The following WWOX variants were observed in gnomAD, a reference collection of about 807,000 sequenced individuals.
WWOX encodes the protein WW domain-containing oxidoreductase.
WWOX carries 69 observed loss-of-function variants against 46.2 expected under a neutral mutation model. That is an observed-to-expected ratio of 1.49 (90% CI 1.23 to 1.82). The LOEUF is 1.82. Among genes scored for constraint, WWOX ranks in the 40% most tolerant of loss-of-function variants. WWOX has a pLI of 0.00. For missense variants in WWOX, 919 were observed against 542.6 expected (o/e 1.69, Z -6.89); for synonymous variants, 359 against 202.6 (o/e 1.77, Z -6.56).
At chr16:78,537,517 A>G (rs958390682) in intron 8 of WWOX, among the ~76,000 whole-genome samples, 17 of 152,256 alleles carry the variant, frequency 1.1e-4, no homozygotes, top group Non-Finnish European at 1.9e-4. Flanking sequence ...CATATGATTT[A>G]CCTCTTCTCT....
chr16:78,678,064 G>T (rs796393170), intron 8 of WWOX, among the ~76,000 whole-genome samples: 7 of 152,260 alleles, frequency 4.6e-5, no homozygotes, highest in Admixed American at 1.3e-4. Context: ...TCATTTCTCT[G>T]TTTAATCTGT....
intron 8 of WWOX, among the ~76,000 whole-genome samples, chr16:79,040,303 C>G (rs1014954065): frequency 3.0e-5 from 4 of 134,974 alleles, no homozygotes; most frequent in African/African-American, 8.5e-5. Context: ...GAGACAAGGT[C>G]TCATTCTGTT....
intron 5 of WWOX, among the ~76,000 whole-genome samples, chr16:78,351,946 C>G (rs1053333989): frequency 1.3e-5 from 2 of 152,176 alleles, no homozygotes; most frequent in Admixed American, 1.3e-4. Context: ...CATGAGCCAC[C>G]ACGCCCAGCA....
intron 8 of WWOX, among the ~76,000 whole-genome samples, chr16:79,000,755 C>T (rs1195287825): frequency 6.6e-6 from 1 of 152,108 alleles, no homozygotes; most frequent in Non-Finnish European, 1.5e-5. Flanking sequence ...TTACAGCAGC[C>T]AGAGGAAGCT....
At chr16:79,126,598 G>A (rs909001065) in intron 8 of WWOX, among the ~76,000 whole-genome samples, 6 of 152,076 alleles carry the variant, frequency 3.9e-5, no homozygotes, top group Non-Finnish European at 5.9e-5. Context: ...CATGTGAAAC[G>A]GTGAGTCAAT....
Position 79,196,368 on chromosome 16 carries a change from C to T in WWOX, c.1057-15240C>T, listed in dbSNP as rs1191923368. 2.6e-5 allele frequency: 4 copies of T among 152,270 alleles called. No individual in the cohort carries two copies. In the East Asian group the frequency reaches 7.7e-4, roughly 29 times the overall value. 9.4% of individuals were successfully genotyped at this position (152,270 alleles called of 1,614,324 possible). On this transcript the variant is annotated intron_variant, in intron 8 of 8. Transcript: ENST00000566780. ...TCTATATCATTCTGTCCTCCAGGTACCCCAAGCTGGTTTGGGTTTATACCA... is the reference window on the plus strand; with the variant it reads ...TCTATATCATTCTGTCCTCCAGGTATCCCAAGCTGGTTTGGGTTTATACCA...
intron 8 of WWOX, among the ~76,000 whole-genome samples, chr16:79,209,038 G>A (rs539824887): frequency 1.3e-5 from 2 of 152,286 alleles, no homozygotes; most frequent in East Asian, 3.9e-4. Flanking sequence ...TGCCCCTCCT[G>A]TGTACTGTGT....
rs1439535802 is a variant in WWOX, at chr16:79,069,588, G to A, written c.1057-142020G>A. On this transcript the variant is annotated intron_variant, in intron 8 of 8. Coordinates refer to ENST00000566780, the MANE Select transcript of WWOX (RefSeq NM_016373.4). ...TTTTTTTTTTTAAAGCTAATAAACA[G>A]TGCTAGTGGAAAGTATGCTGTTATC... Among the ~76,000 whole-genome samples, 3 of 149,568 alleles carry A rather than the reference G, an allele frequency of 2.0e-5. No homozygotes were observed. In the South Asian group the frequency reaches 6.3e-4, roughly 31 times the overall value.
chr16:79,105,577 A>T (rs190522712), intron 8 of WWOX, among the ~76,000 whole-genome samples: 1 of 152,348 alleles, frequency 6.6e-6, no homozygotes, highest in African/African-American at 2.4e-5. Context: ...CTTTTATAAA[A>T]AAAGTCACAG....
intron 8 of WWOX, among the ~76,000 whole-genome samples, chr16:79,073,309 A>G (rs532062857): frequency 6.6e-6 from 1 of 151,870 alleles, no homozygotes; most frequent in African/African-American, 2.4e-5. Context: ...CTTCCTGAGT[A>G]GCTGGGATTA....
chr16:78,107,394 C>A (rs1051690861), intron 1 of WWOX, among the ~76,000 whole-genome samples: 3 of 152,282 alleles, frequency 2.0e-5, no homozygotes, highest in African/African-American at 7.2e-5. Flanking sequence ...CTGATTTGTT[C>A]AGAATAACAG....
chr16:78,273,396 A>G (rs1805113493), intron 5 of WWOX, among the ~76,000 whole-genome samples: 1 of 152,218 alleles, frequency 6.6e-6, no homozygotes. Context: ...TCTGACCATA[A>G]GTATGCTTCT....
chr16:78,363,417 G>T (rs117223739), intron 5 of WWOX, among the ~76,000 whole-genome samples: 5,811 of 147,312 alleles, frequency 0.039, 364 homozygotes, highest in Admixed American at 0.17. Context: ...GGGACCACAG[G>T]TGCACACCAC....
chr16:78,516,550 G>A (rs114424536), intron 8 of WWOX, among the ~76,000 whole-genome samples: 1 of 152,140 alleles, frequency 6.6e-6, no homozygotes, highest in African/African-American at 2.4e-5. Flanking sequence ...CTGTGATGTT[G>A]GAATCTTTAA....
intron 5 of WWOX, among the ~76,000 whole-genome samples, chr16:78,326,423 G>C (rs1265777262): frequency 2.0e-5 from 3 of 152,044 alleles, no homozygotes; most frequent in Non-Finnish European, 4.4e-5. Flanking sequence ...CATTCACTGG[G>C]AGAAACAAGG....
chr16:78,903,640 C>T (rs1025279040), intron 8 of WWOX, among the ~76,000 whole-genome samples: 1 of 152,160 alleles, frequency 6.6e-6, no homozygotes, highest in Non-Finnish European at 1.5e-5. Flanking sequence ...AGTGAAATGG[C>T]TTTAGATTCC....
intron 8 of WWOX, among the ~76,000 whole-genome samples, chr16:78,899,951 T>A (rs2044787819): frequency 6.6e-6 from 1 of 152,148 alleles, no homozygotes; most frequent in African/African-American, 2.4e-5. Flanking sequence ...GTACCCTTGG[T>A]ACTAATTAAG....
intron 8 of WWOX, among the ~76,000 whole-genome samples, chr16:78,864,534 G>A (rs1012251145): frequency 6.6e-6 from 1 of 152,068 alleles, no homozygotes; most frequent in Non-Finnish European, 1.5e-5. Context: ...CTCCCAAAAT[G>A]CTGGGATTAT....
intron 5 of WWOX, among the ~76,000 whole-genome samples, chr16:78,337,246 G>T (rs1003467863): frequency 1.3e-5 from 2 of 152,180 alleles, no homozygotes; most frequent in Admixed American, 6.5e-5. Flanking sequence ...GAATCCTGCA[G>T]ACAGAATCTT....
Sources: gnomAD v4.1 joint callset for allele counts (sites outside exome capture counted in the v4.1 genomes callset) on GRCh38, gnomAD v4.1.1 for gene constraint, MANE v1.5 for transcripts, NCBI Gene and HGNC (gene_info 2026-07-23, HGNC 2026-07-21) for gene names.